Variants in XKR9 observed in about 807,000 individuals in gnomAD.
XKR9 encodes the protein XK-related protein 9.
A neutral mutation model predicts 32.0 loss-of-function variants in XKR9; 32 were observed. That is an observed-to-expected ratio of 1.00 (90% CI 0.76 to 1.34). The LOEUF is 1.34. Ranked by LOEUF, XKR9 falls within the 40% of genes most tolerant of loss-of-function variation. The pLI is 0.00. For missense variants in XKR9, 546 were observed against 429.7 expected (o/e 1.27, Z -2.39); for synonymous variants, 168 against 143.4 (o/e 1.17, Z -1.22).
chr8:70,893,202 G>T, the XKR9 span, among the ~76,000 whole-genome samples: 1 of 151,952 alleles, frequency 6.6e-6, no homozygotes, highest in Non-Finnish European at 1.5e-5. Flanking sequence ...TGTAAAAAAC[G>T]ATTCCTATCT....
the XKR9 span, among the ~76,000 whole-genome samples, chr8:71,038,001 A>C: frequency 6.6e-6 from 1 of 152,198 alleles, no homozygotes; most frequent in Non-Finnish European, 1.5e-5. Context: ...AAAAAAATTG[A>C]TATTGTCTGG....
downstream of XKR9, chr8:70,736,024 C>G (rs189406690): frequency 3.9e-4 from 60 of 152,258 alleles, no homozygotes; most frequent in African/African-American, 1.4e-3. Context: ...TTCTAGATCC[C>G]TGAGGAATCA....
At chr8:70,861,155 G>A in the XKR9 span, among the ~76,000 whole-genome samples, 16,922 of 152,038 alleles carry the variant, frequency 0.11, 1,084 homozygotes, top group African/African-American at 0.18. Context: ...GTGACATGAT[G>A]AATTTGAGAT....
the XKR9 span, among the ~76,000 whole-genome samples, chr8:70,874,282 C>T: frequency 1.3e-5 from 2 of 151,928 alleles, no homozygotes. Context: ...CAGTAAATAA[C>T]GTATGAAGGT....
the XKR9 span, among the ~76,000 whole-genome samples, chr8:70,841,312 T>C: frequency 1.3e-5 from 2 of 152,336 alleles, no homozygotes; most frequent in South Asian, 4.1e-4. Flanking sequence ...AAATAATTAA[T>C]CAGATTTCTG....
chr8:70,808,331 C>T, the XKR9 span, among the ~76,000 whole-genome samples: 69 of 152,120 alleles, frequency 4.5e-4, no homozygotes, highest in Non-Finnish European at 7.5e-4. Context: ...GGAAGATGGC[C>T]GAATAGGAAC....
At chr8:70,919,025 C>A in the XKR9 span, among the ~76,000 whole-genome samples, 1 of 151,992 alleles carries the variant, frequency 6.6e-6, no homozygotes, top group East Asian at 1.9e-4. Flanking sequence ...GATCCACCCA[C>A]CTCTGCCTCC....
intron 2 of XKR9, among the ~76,000 whole-genome samples, chr8:70,755,140 C>T (rs1307542075): frequency 6.6e-6 from 1 of 152,136 alleles, no homozygotes; most frequent in Non-Finnish European, 1.5e-5. Context: ...TTTATGCAAC[C>T]AAAAGACACA....
At chr8:71,021,733 C>T in the XKR9 span, among the ~76,000 whole-genome samples, 18 of 152,024 alleles carry the variant, frequency 1.2e-4, no homozygotes, top group African/African-American at 4.1e-4. Context: ...GATCTCCTGA[C>T]CTCGTGATCC....
At chr8:70,928,454 T>C in the XKR9 span, among the ~76,000 whole-genome samples, 2 of 152,212 alleles carry the variant, frequency 1.3e-5, no homozygotes, top group Non-Finnish European at 2.9e-5. Context: ...TGAAAAGTTT[T>C]TTTTTAAAAG....
chr8:70,809,584 C>G, the XKR9 span, among the ~76,000 whole-genome samples: 1 of 152,128 alleles, frequency 6.6e-6, no homozygotes, highest in Non-Finnish European at 1.5e-5. Flanking sequence ...ATAACCAATG[C>G]AGAGAAGTCC....
the XKR9 span, among the ~76,000 whole-genome samples, chr8:71,031,684 C>G: frequency 6.6e-5 from 10 of 152,226 alleles, no homozygotes; most frequent in East Asian, 1.7e-3. Flanking sequence ...CCTTGAGTGG[C>G]ACCTGAATTG....
the XKR9 span, among the ~76,000 whole-genome samples, chr8:71,001,420 C>A: frequency 6.6e-6 from 1 of 152,232 alleles, no homozygotes; most frequent in Middle Eastern, 3.4e-3. Context: ...CACCACCACA[C>A]GTGGTTAATT....
At chr8:71,057,079 T>G in the XKR9 span, among the ~76,000 whole-genome samples, 1 of 152,182 alleles carries the variant, frequency 6.6e-6, no homozygotes, top group Non-Finnish European at 1.5e-5. Flanking sequence ...GAACCAAAAT[T>G]GTTCTGATGG....
At chr8:71,011,284 C>T in the XKR9 span, among the ~76,000 whole-genome samples, 65,135 of 152,032 alleles carry the variant, frequency 0.43, 15,086 homozygotes, top group Non-Finnish European at 0.53. Context: ...ACATGGGAGC[C>T]TGACAATGCT....
At chr8:71,005,035 G>T in the XKR9 span, among the ~76,000 whole-genome samples, 1 of 96,744 alleles carries the variant, frequency 1.0e-5, no homozygotes, top group African/African-American at 3.9e-5. Flanking sequence ...TGTAGAGTTG[G>T]AGTCTTGCTA....
At chr8:70,900,900 C>T in the XKR9 span, among the ~76,000 whole-genome samples, 1 of 152,068 alleles carries the variant, frequency 6.6e-6, no homozygotes. Context: ...TGAGTGAGAA[C>T]ATGTGGTGTT....
the XKR9 span, among the ~76,000 whole-genome samples, chr8:70,807,257 G>GA: frequency 6.6e-6 from 1 of 151,884 alleles, no homozygotes; most frequent in Non-Finnish European, 1.5e-5. Context: ...AAGAGCTCCT[G>GA]AAAAAAGTGC....
chr8:70,980,072 G>A, the XKR9 span, among the ~76,000 whole-genome samples: 2 of 152,350 alleles, frequency 1.3e-5, no homozygotes, highest in African/African-American at 2.4e-5. Context: ...TGAGCCAATC[G>A]TGGGATATAA....
Sources: allele counts gnomAD v4.1 joint callset (sites outside exome capture counted in the v4.1 genomes callset), GRCh38; gene constraint gnomAD v4.1.1; transcripts MANE v1.5; gene names NCBI Gene and HGNC (gene_info 2026-07-23, HGNC 2026-07-21).